The following SGIP1 variants were observed in gnomAD, a reference collection of about 807,000 sequenced individuals.
SGIP1 encodes the protein SH3-containing GRB2-like protein 3-interacting protein 1.
A neutral mutation model predicts 107.5 loss-of-function variants in SGIP1; 38 were observed. That is an observed-to-expected ratio of 0.35 (90% CI 0.27 to 0.46). The LOEUF is 0.46. Ranked by LOEUF, SGIP1 falls within the 20% of genes least tolerant of loss-of-function variation. The pLI is 1.00. For missense variants in SGIP1, 929 were observed against 1,019.5 expected (o/e 0.91, Z 1.21); for synonymous variants, 365 against 366.1 (o/e 1.00, Z 0.03).
At chr1:66,672,658 C>T (rs760708125) in intron 11 of SGIP1, among the ~76,000 whole-genome samples, 3 of 152,138 alleles carry the variant, frequency 2.0e-5, no homozygotes, top group Non-Finnish European at 2.9e-5. Flanking sequence ...GCATCATTTT[C>T]TTAATAATCA....
intron 11 of SGIP1, among the ~76,000 whole-genome samples, chr1:66,672,457 T>C (rs2084056580): frequency 6.6e-6 from 1 of 152,220 alleles, no homozygotes; most frequent in Non-Finnish European, 1.5e-5. Context: ...GTGGGTTAGG[T>C]AAGTATTGTA....
chr1:66,635,112 G>A (rs1051836345), intron 3 of SGIP1, among the ~76,000 whole-genome samples: 3 of 152,196 alleles, frequency 2.0e-5, no homozygotes, highest in African/African-American at 7.2e-5. Context: ...AAACTACTTG[G>A]TAAACACAAG....
chr1:66,705,713 T>C (rs948694609), intron 18 of SGIP1, among the ~76,000 whole-genome samples: 1 of 152,188 alleles, frequency 6.6e-6, no homozygotes, highest in Non-Finnish European at 1.5e-5. Flanking sequence ...AGCATCCAAT[T>C]TGTAACTGCA....
chr1:66,663,277 G>C (rs1242124083), intron 8 of SGIP1, among the ~76,000 whole-genome samples: 1 of 151,978 alleles, frequency 6.6e-6, no homozygotes, highest in East Asian at 1.9e-4. Context: ...TCTGGACATA[G>C]ATCTCTCAGC....
chr1:66,669,534 C>G (rs987917805), intron 9 of SGIP1, among the ~76,000 whole-genome samples: 1 of 152,156 alleles, frequency 6.6e-6, no homozygotes, highest in African/African-American at 2.4e-5. Context: ...GGTTCATAAC[C>G]CAGAAAAACA....
intron 18 of SGIP1, among the ~76,000 whole-genome samples, chr1:66,703,874 C>CTGTG (rs535613429): frequency 1.4e-4 from 20 of 142,052 alleles, no homozygotes; most frequent in African/African-American, 3.0e-4. Flanking sequence ...AAAAAGAACT[C>CTGTG]TGTGTGTGTG....
rs1387131307 is a variant in SGIP1 at position 66,679,681 on chromosome 1, C to T, written c.743C>T (p.Pro248Leu). 4 of 1,606,178 alleles carry T rather than the reference C, an allele frequency of 2.5e-6. No individual in the cohort carries two copies. Among genetic ancestry groups the T allele is most frequent in the East Asian group, 4.6e-5 (2 of 43,870 alleles). Residue 248 changes from proline to leucine, a missense_variant, in exon 14 of 25, where the codon CCT becomes CTT. Pro to Leu is a moderately conservative substitution (Grantham distance 98). This residue lies in a region of SGIP1 where 588 missense variants were observed against 588.6 expected (regional missense o/e 1.00). Transcript: ENST00000371037. Reference sequence around the variant, plus strand: ...TTAATTTCTCATCTTTTTGCAGCACCTCCACCACTGCCTCCAAAAAATGTA... The same window carrying T: ...TTAATTTCTCATCTTTTTGCAGCACTTCCACCACTGCCTCCAAAAAATGTA... ...KLTRPFPTGT[P>L]PPLPPKNVPA...
chr1:66,695,298 C>T (rs1325268), intron 17 of SGIP1, 136 bp from the exon 18 acceptor site: 426,798 of 1,429,936 alleles, frequency 0.3, 65,259 homozygotes, highest in South Asian at 0.34. Context: ...TTCCCTTTTT[C>T]CTGCACGCTA....
rs181749975 is a variant in SGIP1, at chr1:66,625,990, C to T, written c.74+80C>T. The T allele has an allele frequency of 4.4e-5, 48 of 1,090,450 alleles. No individual in the cohort carries two copies. The African/African-American group carries it at 6.1e-4, about 14-fold the overall frequency. The allele number at this position is 1,090,450 out of a possible 1,614,324, so 67.5% of individuals were successfully genotyped here. A position where few individuals can be genotyped will look rare whatever the true frequency, so the allele number is the denominator to read the frequency against. ...CTTATCACAGTCAATATAAGATGGC[C>T]ACAGTTTTCTCGGATATTGTGTACT... On this transcript the variant is annotated intron_variant, in intron 2 of 24. Coordinates refer to ENST00000371037, the MANE Select transcript of SGIP1 (RefSeq NM_032291.4).
chr1:66,631,908 T>C (rs1169045851), intron 2 of SGIP1, among the ~76,000 whole-genome samples: 1 of 152,218 alleles, frequency 6.6e-6, no homozygotes, highest in African/African-American at 2.4e-5. Context: ...CTGTATGTTT[T>C]AGCCTCTTAA....
At chr1:66,606,967 G>A (rs2066968659) in intron 1 of SGIP1, among the ~76,000 whole-genome samples, 1 of 152,134 alleles carries the variant, frequency 6.6e-6, no homozygotes, top group African/African-American at 2.4e-5. Flanking sequence ...ACTGCTATAT[G>A]GTGTAAGACT....
At chr1:66,620,430 G>A (rs997736925) in intron 1 of SGIP1, among the ~76,000 whole-genome samples, 4 of 152,146 alleles carry the variant, frequency 2.6e-5, no homozygotes, top group African/African-American at 9.7e-5. Flanking sequence ...AAGAAAGGAG[G>A]TTTAATTGAC....
At chr1:66,690,422 G>T in intron 17 of SGIP1, 106 bp downstream of exon 17, 4 of 1,501,474 alleles carry the variant, frequency 2.7e-6, no homozygotes, top group Non-Finnish European at 3.6e-6. Flanking sequence ...TTGTTTTGCT[G>T]TGTGTTTTGC....
intron 17 of SGIP1, chr1:66,695,184 C>T: frequency 1.4e-6 from 1 of 696,422 alleles, no homozygotes; most frequent in South Asian, 2.6e-5. Context: ...CACCAAGTAT[C>T]AAGCGACCAC....
At chr1:66,612,027 AG>A (rs1303449327) in intron 1 of SGIP1, among the ~76,000 whole-genome samples, 1 of 65,328 alleles carries the variant, frequency 1.5e-5, no homozygotes, top group Non-Finnish European at 3.1e-5. Context: ...GTTTAGAAAG[AG>A]AAGGTTTATT....
intron 8 of SGIP1, chr1:66,665,872 C>T (rs2082424897): frequency 6.6e-6 from 1 of 152,096 alleles, no homozygotes; most frequent in African/African-American, 2.4e-5. Context: ...TGGATATTAG[C>T]CCTTTGTCAG....
intron 15 of SGIP1, among the ~76,000 whole-genome samples, chr1:66,686,175 G>T (rs1356785857): frequency 1.3e-5 from 2 of 152,226 alleles, no homozygotes; most frequent in African/African-American, 4.8e-5. Flanking sequence ...TATGGTCCCA[G>T]ATCTGTTGGA....
intron 1 of SGIP1, among the ~76,000 whole-genome samples, chr1:66,549,133 A>ACCTGCCTG (rs200992464): frequency 4.1e-5 from 5 of 122,834 alleles, no homozygotes; most frequent in African/African-American, 8.4e-5. Flanking sequence ...CCTTCTGGCT[A>ACCTGCCTG]CCTGCCTTCC....
chr1:66,588,756 C>A (rs961301362), intron 1 of SGIP1, among the ~76,000 whole-genome samples: 3 of 150,994 alleles, frequency 2.0e-5, no homozygotes, highest in East Asian at 1.9e-4. Context: ...TTCTTACTAC[C>A]CTTTTGGTTT....
Sources: allele counts gnomAD v4.1 joint callset (sites outside exome capture counted in the v4.1 genomes callset), GRCh38; gene constraint gnomAD v4.1.1; regional missense constraint gnomAD v4.1.1; transcripts MANE v1.5; gene names NCBI Gene and HGNC (gene_info 2026-07-23, HGNC 2026-07-21).